Variants in PRKG1 observed in about 807,000 individuals in gnomAD.
The protein encoded by PRKG1 is protein kinase cGMP-dependent 1.
A neutral mutation model predicts 88.1 loss-of-function variants in PRKG1; 35 were observed. The observed-to-expected ratio is 0.40, with a 90% CI of 0.30 to 0.53. The LOEUF (loss-of-function observed/expected upper bound fraction) is 0.53. Ranked by LOEUF, PRKG1 falls within the 20% of genes least tolerant of loss-of-function variation. The pLI, the probability that PRKG1 is intolerant of heterozygous loss-of-function variation, is 0.59. For missense variants in PRKG1, 540 were observed against 839.8 expected, an observed-to-expected ratio of 0.64 and a Z score of 4.41; for synonymous variants, 303 against 292.5, an observed-to-expected ratio of 1.04 and a Z score of -0.37.
At chr10:52,241,218 GTAT>G (rs1840851317) in intron 9 of PRKG1, among the ~76,000 whole-genome samples, 1 of 152,092 alleles carries the variant, frequency 6.6e-6, no homozygotes, top group Admixed American at 6.6e-5. Flanking sequence ...AAAACCTCTG[GTAT>G]TATTTTCCCG....
At chr10:51,991,942 A>T (rs1844318778) in intron 5 of PRKG1, among the ~76,000 whole-genome samples, 1 of 152,226 alleles carries the variant, frequency 6.6e-6, no homozygotes, top group African/African-American at 2.4e-5. Context: ...GTATGTGAGG[A>T]GTCAAAATAC....
chr10:51,716,670 G>C (rs1385615420), intron 3 of PRKG1, among the ~76,000 whole-genome samples: 2 of 152,114 alleles, frequency 1.3e-5, no homozygotes, highest in South Asian at 2.1e-4. Context: ...TGAAGTGAAT[G>C]TAGGGCAGTT....
chr10:52,169,775 A>G (rs1464039598), intron 9 of PRKG1, among the ~76,000 whole-genome samples: 1 of 152,218 alleles, frequency 6.6e-6, no homozygotes, highest in Non-Finnish European at 1.5e-5. Context: ...CCAAATAATA[A>G]GACATTTAAG....
At chr10:51,561,171 C>G (rs963423490) in intron 3 of PRKG1, among the ~76,000 whole-genome samples, 2 of 151,838 alleles carry the variant, frequency 1.3e-5, no homozygotes, top group Admixed American at 1.3e-4. Flanking sequence ...TACAGTCTAT[C>G]TGGGACTATA....
At chr10:51,570,246 T>G (rs2132166344) in intron 3 of PRKG1, among the ~76,000 whole-genome samples, 1 of 151,804 alleles carries the variant, frequency 6.6e-6, no homozygotes, top group African/African-American at 2.4e-5. Flanking sequence ...TACACTCAAA[T>G]TGAACTACTA....
At chr10:51,927,490 C>G (rs1411550130) in intron 5 of PRKG1, among the ~76,000 whole-genome samples, 1 of 152,132 alleles carries the variant, frequency 6.6e-6, no homozygotes, top group Non-Finnish European at 1.5e-5. Flanking sequence ...GGGAAGGAGT[C>G]TGGAAACCTG....
At chr10:51,779,686 A>T (rs1401527338) in intron 3 of PRKG1, among the ~76,000 whole-genome samples, 1 of 152,094 alleles carries the variant, frequency 6.6e-6, no homozygotes. Flanking sequence ...TTTAGCTCTG[A>T]TGGCACCTGG....
chr10:51,666,883 A>G (rs1033833896), intron 3 of PRKG1, among the ~76,000 whole-genome samples: 3 of 151,930 alleles, frequency 2.0e-5, no homozygotes, highest in Non-Finnish European at 4.4e-5. Flanking sequence ...CATCCTCCAC[A>G]TTCAAGGTTC....
rs530556786 is a variant in PRKG1 at position 51,408,652 on chromosome 10, C to T, written c.479-59071C>T. ...GTCTCTGCTGCTGGCAAATTGGGCA[C>T]TCAGCAGTGGCCATAGCCAGGTCAG... On this transcript the variant is annotated intron_variant, in intron 2 of 17. Coordinates refer to ENST00000373980, the MANE Select transcript of PRKG1 (RefSeq NM_006258.4). 2.6e-4 allele frequency among the ~76,000 whole-genome samples: 40 copies of T among 152,288 alleles called. No homozygotes were observed. In the South Asian group the frequency reaches 6.4e-3, roughly 24 times the overall value.
intron 5 of PRKG1, among the ~76,000 whole-genome samples, chr10:52,014,454 G>T (rs1844983164): frequency 6.6e-6 from 1 of 152,104 alleles, no homozygotes; most frequent in Non-Finnish European, 1.5e-5. Context: ...CCCCCATCAG[G>T]TCTTGTCCTC....
chr10:51,014,709 T>C (rs979401009), intron 1 of PRKG1, among the ~76,000 whole-genome samples: 2 of 152,212 alleles, frequency 1.3e-5, no homozygotes, highest in African/African-American at 4.8e-5. Flanking sequence ...AATTGTACCC[T>C]ATAAATATGT....
chr10:51,798,024 C>A (rs1457959859), intron 3 of PRKG1, among the ~76,000 whole-genome samples: 1 of 151,890 alleles, frequency 6.6e-6, no homozygotes, highest in Non-Finnish European at 1.5e-5. Flanking sequence ...ATGTATACAC[C>A]ACATTTTGTT....
chr10:51,926,110 A>G (rs961346070), intron 5 of PRKG1, among the ~76,000 whole-genome samples: 20 of 152,178 alleles, frequency 1.3e-4, no homozygotes, highest in African/African-American at 4.8e-4. Flanking sequence ...AAATCAATAC[A>G]TCTTTCTGAG....
At chr10:51,415,805 C>G (rs1309215197) in intron 2 of PRKG1, among the ~76,000 whole-genome samples, 1 of 152,110 alleles carries the variant, frequency 6.6e-6, no homozygotes, top group East Asian at 1.9e-4. Flanking sequence ...TTCGAGACCT[C>G]ATGATCCAGG....
intron 3 of PRKG1, among the ~76,000 whole-genome samples, chr10:51,618,009 A>G (rs1160795288): frequency 1.3e-5 from 2 of 152,224 alleles, no homozygotes; most frequent in Non-Finnish European, 2.9e-5. Flanking sequence ...CTACAGTTGA[A>G]TCAATAGCCT....
chr10:51,297,505 G>A (rs1026229890), intron 2 of PRKG1, among the ~76,000 whole-genome samples: 15 of 152,002 alleles, frequency 9.9e-5, no homozygotes, highest in Non-Finnish European at 1.9e-4. Context: ...GGATTGAGAG[G>A]AAACTTTGAC....
chr10:52,172,793 C>G (rs940872722), intron 9 of PRKG1, among the ~76,000 whole-genome samples: 2 of 152,070 alleles, frequency 1.3e-5, no homozygotes, highest in African/African-American at 4.8e-5. Flanking sequence ...AAGGGCTCCC[C>G]CTGAGGAGGC....
chr10:51,190,154 T>C (rs1354064706), intron 2 of PRKG1, among the ~76,000 whole-genome samples: 5 of 151,986 alleles, frequency 3.3e-5, no homozygotes, highest in Non-Finnish European at 5.9e-5. Context: ...TCATCTTTTG[T>C]TTTTTATATT....
At chr10:51,309,403 C>T (rs536492908) in intron 2 of PRKG1, among the ~76,000 whole-genome samples, 10 of 152,090 alleles carry the variant, frequency 6.6e-5, no homozygotes, top group African/African-American at 2.2e-4. Context: ...GCAAAAACAA[C>T]AAAAATAACC....
Sources: allele counts gnomAD v4.1 joint callset (sites outside exome capture counted in the v4.1 genomes callset), GRCh38; gene constraint gnomAD v4.1.1; transcripts MANE v1.5; gene names NCBI Gene and HGNC (gene_info 2026-07-23, HGNC 2026-07-21).